Variants in ACVR1C observed in about 807,000 individuals in gnomAD.
ACVR1C encodes the protein activin A receptor type 1C, also known as activin receptor type-1C.
Under a neutral mutation model 57.9 loss-of-function variants are expected in ACVR1C, and 23 were observed. That is an observed-to-expected ratio of 0.40 (90% CI 0.29 to 0.56). The LOEUF (loss-of-function observed/expected upper bound fraction) is 0.56. ACVR1C is among the 20% of genes least tolerant of loss of function. The pLI is 0.50. For synonymous variants in ACVR1C, 214 were observed against 215.3 expected, an observed-to-expected ratio of 0.99 and a Z score of 0.05; for missense variants, 480 against 607.9, an observed-to-expected ratio of 0.79 and a Z score of 2.21.
intron 2 of ACVR1C, among the ~76,000 whole-genome samples, chr2:157,556,910 A>G (rs1688117474): frequency 1.3e-5 from 2 of 151,904 alleles, no homozygotes; most frequent in South Asian, 4.2e-4. Context: ...TGATCCACCC[A>G]CCTCAGCCTC....
chr2:157,566,174 T>C (rs1417069807), intron 2 of ACVR1C, among the ~76,000 whole-genome samples: 1 of 152,236 alleles, frequency 6.6e-6, no homozygotes, highest in African/African-American at 2.4e-5. Flanking sequence ...AGTTCTTTTT[T>C]TCTTAAATCA....
intron 1 of ACVR1C, among the ~76,000 whole-genome samples, chr2:157,621,389 G>A (rs1558999863): frequency 6.6e-6 from 1 of 152,112 alleles, no homozygotes; most frequent in Admixed American, 6.5e-5. Context: ...ATGTAAATAA[G>A]GTCTTCCTTG....
chr2:157,611,942 G>A (rs1326420002), intron 1 of ACVR1C, among the ~76,000 whole-genome samples: 3 of 152,194 alleles, frequency 2.0e-5, no homozygotes, highest in Admixed American at 1.3e-4. Flanking sequence ...TGGAGAACAT[G>A]ACTCCAGGAC....
chr2:157,580,863 A>G (rs144783081), intron 2 of ACVR1C, among the ~76,000 whole-genome samples: 70 of 152,334 alleles, frequency 4.6e-4, no homozygotes, highest in Admixed American at 3.9e-3. Context: ...TGGCACTGCC[A>G]TGAAAACAAA....
intron 1 of ACVR1C, among the ~76,000 whole-genome samples, chr2:157,591,285 A>G (rs1689051049): frequency 6.6e-6 from 1 of 151,992 alleles, no homozygotes; most frequent in South Asian, 2.1e-4. Context: ...GTGATGGTCC[A>G]GCCAAAGAAT....
At chr2:157,563,554 C>T (rs1688292096) in intron 2 of ACVR1C, among the ~76,000 whole-genome samples, 1 of 152,142 alleles carries the variant, frequency 6.6e-6, no homozygotes, top group Non-Finnish European at 1.5e-5. Flanking sequence ...AATTAATCTA[C>T]AGATTCAATG....
chr2:157,557,840 T>C (rs903133882), intron 2 of ACVR1C, among the ~76,000 whole-genome samples: 2 of 152,200 alleles, frequency 1.3e-5, no homozygotes, highest in African/African-American at 4.8e-5. Flanking sequence ...AAGAAATCTT[T>C]TTTTAATTTA....
At chr2:157,539,150 T>C (rs1336955465) in intron 7 of ACVR1C, among the ~76,000 whole-genome samples, 1 of 152,080 alleles carries the variant, frequency 6.6e-6, no homozygotes, top group Non-Finnish European at 1.5e-5. Flanking sequence ...GCTTTGTGAA[T>C]GAAGTACGTA....
intron 2 of ACVR1C, among the ~76,000 whole-genome samples, chr2:157,573,630 T>C (rs1343869107): frequency 6.6e-6 from 1 of 152,176 alleles, no homozygotes; most frequent in Admixed American, 6.5e-5. Flanking sequence ...TTATCAAAAT[T>C]AACCCTAAAA....
chr2:157,611,799 C>T (rs922755120), intron 1 of ACVR1C, among the ~76,000 whole-genome samples: 2 of 152,052 alleles, frequency 1.3e-5, no homozygotes, highest in Non-Finnish European at 2.9e-5. Flanking sequence ...GCAGGGAGAT[C>T]CAGATTCTCA....
At chr2:157,586,912 G>T (rs1688935860) in intron 2 of ACVR1C, among the ~76,000 whole-genome samples, 1 of 152,084 alleles carries the variant, frequency 6.6e-6, no homozygotes, top group South Asian at 2.1e-4. Context: ...ATTTACATTT[G>T]ACTTTAGGTT....
rs1347920982 is a variant in ACVR1C, at chr2:157,616,333, TG to T, written c.73+12238del. On this transcript the variant is annotated intron_variant, in intron 1 of 8. Transcript: ENST00000243349. ...AAATTTATGATTCTTTCTTTGGCTGTGTCAGGTCAATTGATGAGCACACCAA... is the reference window on the plus strand; with the variant it reads ...AAATTTATGATTCTTTCTTTGGCTGTTCAGGTCAATTGATGAGCACACCAA... Among the ~76,000 whole-genome samples the T allele has an allele frequency of 3.9e-5, 6 of 152,312 alleles. No individual in the cohort carries two copies. In the East Asian group the frequency reaches 1.2e-3, roughly 29 times the overall value.
In ACVR1C at chr2:157,587,064, A is replaced by T. The variant is rs1326370811; in HGVS notation, c.304+123T>A. On this transcript the variant is annotated intron_variant, in intron 2 of 8. Coordinates refer to ENST00000243349, the MANE Select transcript of ACVR1C (RefSeq NM_145259.3). ...CTAGAGAATTTTACCAGCCAAAATC[A>T]AAAAGAGAACTGTAAAACAGATTTT... 4 of 939,970 alleles carry T rather than the reference A, an allele frequency of 4.3e-6. No individual in the cohort carries two copies. The Admixed American group carries it at 1.2e-4, about 28-fold the overall frequency. The allele number at this position is 939,970 out of a possible 1,614,324, so 58.2% of individuals were successfully genotyped here. A position where few individuals can be genotyped will look rare whatever the true frequency, so the allele number is the denominator to read the frequency against.
At chr2:157,534,131 G>T in intron 8 of ACVR1C, 88 bp from the exon 9 acceptor site, 3 of 1,161,526 alleles carry the variant, frequency 2.6e-6, no homozygotes, top group Admixed American at 3.4e-5. Context: ...TCCAGGAATT[G>T]ATGCTAAGCT....
chr2:157,606,925 T>C (rs1682412124), intron 1 of ACVR1C, among the ~76,000 whole-genome samples: 1 of 151,896 alleles, frequency 6.6e-6, no homozygotes, highest in Non-Finnish European at 1.5e-5. Flanking sequence ...TGTTTTCTTC[T>C]AGTAGTTTTA....
chr2:157,550,702 C>A, intron 3 of ACVR1C, among the ~76,000 whole-genome samples: 1 of 145,686 alleles, frequency 6.9e-6, no homozygotes, highest in South Asian at 2.2e-4. Context: ...CCATCAAAGC[C>A]AGTCAGGTTA....
chr2:157,550,042 A>T (rs928367787), intron 4 of ACVR1C, 120 bp downstream of exon 4: 2 of 855,244 alleles, frequency 2.3e-6, no homozygotes, highest in Non-Finnish European at 3.5e-6. Context: ...AGGAAAAAAA[A>T]AAAAAGAAGA....
In ACVR1C at chr2:157,556,281, GTAA is replaced by G. The variant is rs1248449275; in HGVS notation, c.353_355del (p.Ile118del). 4 of 1,614,076 alleles carry G rather than the reference GTAA, an allele frequency of 2.5e-6. No homozygotes were observed. The highest frequency in any genetic ancestry group is 3.4e-6 in the Non-Finnish European group (4 of 1,180,044). On this transcript the variant is annotated inframe_deletion, in exon 3 of 9. Coordinates refer to ENST00000243349, the MANE Select transcript of ACVR1C (RefSeq NM_145259.3). Reference sequence around the variant, plus strand: ...TATGGACAGGAGGCAAACAGGCACAGTAATAATGATGGCCAGCTCCATGGGTCC... The same window carrying G: ...TATGGACAGGAGGCAAACAGGCACAGTAATGATGGCCAGCTCCATGGGTCC...
intron 4 of ACVR1C, among the ~76,000 whole-genome samples, chr2:157,546,941 A>G (rs1336760040): frequency 1.3e-5 from 2 of 150,640 alleles, no homozygotes. Flanking sequence ...AGCATTAGGT[A>G]TATCTCCCGA....
Sources: gnomAD v4.1 joint callset for allele counts (sites outside exome capture counted in the v4.1 genomes callset) on GRCh38, gnomAD v4.1.1 for gene constraint, MANE v1.5 for transcripts, NCBI Gene and HGNC (gene_info 2026-07-23, HGNC 2026-07-21) for gene names.